Variants in MPV17 observed in about 807,000 individuals in gnomAD.
MPV17 encodes MPV17, mitochondrial inner membrane protein.
In MPV17, 31 loss-of-function variants were observed where a neutral mutation model predicts 28.6. That is an observed-to-expected ratio of 1.08 (90% CI 0.81 to 1.46). The LOEUF is 1.46. MPV17 is among the 40% of genes most tolerant of loss of function. The pLI is 0.00. For synonymous variants in MPV17, 87 were observed against 85.3 expected, an observed-to-expected ratio of 1.02 and a Z score of -0.11; for missense variants, 198 against 216.2, an observed-to-expected ratio of 0.92 and a Z score of 0.53.
intron 6 of MPV17, 96 bp from the exon 7 acceptor site, chr2:27,312,047 A>G: frequency 6.6e-7 from 1 of 1,511,918 alleles, no homozygotes; most frequent in East Asian, 2.3e-5. Flanking sequence ...GCACACAAGA[A>G]AAAGGTGAAC....
At chr2:27,315,744 T>G in intron 2 of MPV17, 1 of 260,548 alleles carries the variant, frequency 3.8e-6, no homozygotes, top group Non-Finnish European at 6.4e-6. Context: ...GTATTTTTAG[T>G]AGAGATGGGG....
chr2:27,319,109 AGCAAC>A (rs1313471067), intron 2 of MPV17, among the ~76,000 whole-genome samples: 3 of 152,104 alleles, frequency 2.0e-5, no homozygotes, highest in African/African-American at 7.2e-5. Flanking sequence ...CAAGGGACTG[AGCAAC>A]AGCTGCCCTT....
chr2:27,317,098 A>G lies in MPV17; in HGVS notation c.71-3989T>C. 1 of 1,548,932 alleles carries G rather than the reference A, an allele frequency of 6.5e-7. No homozygotes were observed. Among genetic ancestry groups the G allele is most frequent in the Non-Finnish European group, 8.7e-7 (1 of 1,146,680 alleles). On this transcript the variant is annotated intron_variant, in intron 2 of 7. Coordinates refer to ENST00000380044, the MANE Select transcript of MPV17 (RefSeq NM_002437.5). The surrounding 1 kb of genome is among the most constrained non-coding windows in gnomAD (Gnocchi z 4.0). Reference sequence around the variant, plus strand: ...CTTACTTTTGTGGCTTTTGAGTTTCATGCGCAGAAGGCAGAGGGGCAAGAA... The same window carrying G: ...CTTACTTTTGTGGCTTTTGAGTTTCGTGCGCAGAAGGCAGAGGGGCAAGAA...
chr2:27,309,836 A>C lies in MPV17; in HGVS notation c.*76T>G. On this transcript the variant is annotated 3_prime_UTR_variant, in exon 8 of 8. Coordinates refer to ENST00000380044, the MANE Select transcript of MPV17 (RefSeq NM_002437.5). ...CAACCCCGTGGAAACTGGTATGCCC[A>C]CTTTGAGGAGGTTGTCTGACCGTTC... 1 of 1,281,824 alleles carries C rather than the reference A, an allele frequency of 7.8e-7. No individual in the cohort carries two copies. Among genetic ancestry groups the C allele is most frequent in the East Asian group, 2.3e-5 (1 of 43,292 alleles). 79.4% of individuals were successfully genotyped at this position (1,281,824 alleles called of 1,614,324 possible).
chr2:27,309,810 C>G lies in MPV17; in HGVS notation c.*102G>C. 1 of 954,146 alleles carries G rather than the reference C, an allele frequency of 1.0e-6. No individual in the cohort carries two copies. The highest frequency in any genetic ancestry group is 1.4e-5 in the South Asian group (1 of 74,024). The allele number at this position is 954,146 out of a possible 1,614,324, so 59.1% of individuals were successfully genotyped here. On this transcript the variant is annotated 3_prime_UTR_variant, in exon 8 of 8. Coordinates refer to ENST00000380044, the MANE Select transcript of MPV17 (RefSeq NM_002437.5). ...GTCCTCTTAAGCTCTGACCGGCAAC[C>G]CAACCCCGTGGAAACTGGTATGCCC...
chr2:27,318,114 G>A (rs1679723649), intron 2 of MPV17, among the ~76,000 whole-genome samples: 1 of 151,100 alleles, frequency 6.6e-6, no homozygotes, highest in East Asian at 1.9e-4. Flanking sequence ...TGTCACCCAG[G>A]CTGGAGTGCA....
At chr2:27,314,431 T>TAAG (rs985969561) in intron 2 of MPV17, among the ~76,000 whole-genome samples, 13 of 152,180 alleles carry the variant, frequency 8.5e-5, no homozygotes, top group African/African-American at 2.9e-4. Flanking sequence ...GGCCACCTCT[T>TAAG]AGCACAATCA....
Position 27,319,007 on chromosome 2 carries a change from C to T in MPV17, c.70+3441G>A, listed in dbSNP as rs1272721017. ...CTCAAACTTCCGACCTCAGGTGATC[C>T]GCCCACCTCAGCCTCCCAAAGTGCT... On this transcript the variant is annotated intron_variant, in intron 2 of 7. Coordinates refer to ENST00000380044, the MANE Select transcript of MPV17 (RefSeq NM_002437.5). Among the ~76,000 whole-genome samples, 4 of 152,014 alleles carry T rather than the reference C, an allele frequency of 2.6e-5. No individual in the cohort carries two copies. The East Asian group carries it at 7.8e-4, about 30-fold the overall frequency.
At chr2:27,315,007 G>C (rs1024701308) in intron 2 of MPV17, among the ~76,000 whole-genome samples, 2 of 152,148 alleles carry the variant, frequency 1.3e-5, no homozygotes, top group African/African-American at 4.8e-5. Context: ...AGCAGCTCTG[G>C]GCACCCCCAG....
intron 7 of MPV17, among the ~76,000 whole-genome samples, chr2:27,310,602 T>C (rs559074375): frequency 2.6e-5 from 4 of 152,388 alleles, no homozygotes; most frequent in African/African-American, 7.2e-5. Flanking sequence ...TTGTACCAGC[T>C]GAGATTTCAT....
In MPV17 at chr2:27,312,660, C is replaced by T; in HGVS notation, c.279+20G>A. 3 of 1,613,916 alleles carry T rather than the reference C, an allele frequency of 1.9e-6. No individual in the cohort carries two copies. The highest frequency in any genetic ancestry group is 2.5e-6 in the Non-Finnish European group (3 of 1,179,730). On this transcript the variant is annotated intron_variant, in intron 4 of 7. Coordinates refer to ENST00000380044, the MANE Select transcript of MPV17 (RefSeq NM_002437.5). ...TACCCCCAACACAGCTCACCCTCCC[C>T]ACTCTGTTCTCCTGCTCACCTGATC...
At chr2:27,315,870 C>T in intron 2 of MPV17, 2 of 1,374,524 alleles carry the variant, frequency 1.5e-6, no homozygotes, top group Non-Finnish European at 1.9e-6. Flanking sequence ...CCTACACCCC[C>T]ATTTAATGAT....
chr2:27,313,271 C>G, intron 2 of MPV17, 162 bp from the exon 3 acceptor site: 1 of 1,480,322 alleles, frequency 6.8e-7, no homozygotes, highest in Non-Finnish European at 9.2e-7. Context: ...CCTCAAAGCC[C>G]TCACCTCCCC....
chr2:27,315,199 C>T (rs1679605159), intron 2 of MPV17, among the ~76,000 whole-genome samples: 1 of 152,244 alleles, frequency 6.6e-6, no homozygotes, highest in Non-Finnish European at 1.5e-5. Context: ...GTCAAATGTA[C>T]TGTCCCAAAC....
At chr2:27,319,269 T>G (rs1232527632) in intron 2 of MPV17, among the ~76,000 whole-genome samples, 2 of 151,794 alleles carry the variant, frequency 1.3e-5, no homozygotes, top group African/African-American at 2.4e-5. Context: ...GTGATCCATG[T>G]TCAGATTATG....
At chr2:27,311,409 TC>T (rs1421301042) in intron 7 of MPV17, 24 of 640,114 alleles carry the variant, frequency 3.7e-5, no homozygotes, top group Non-Finnish European at 5.6e-5. Context: ...TTGGCCCTGT[TC>T]CCTCTGAAGC....
At position 27,312,589 on chromosome 2, in the gene MPV17, C is replaced by T. The variant is rs267607257; in HGVS notation, c.280G>A (p.Gly94Arg). 2.5e-6 allele frequency: 4 copies of T among 1,613,868 alleles called. No individual in the cohort carries two copies. Among genetic ancestry groups the T allele is most frequent in the Non-Finnish European group, 3.4e-6 (4 of 1,179,882 alleles). Residue 94 changes from glycine to arginine, a missense_variant and splice_region_variant, in exon 5 of 8, where the codon GGG becomes AGG. Physicochemically the swap from Gly to Arg is moderately radical, Grantham distance 125. Transcript: ENST00000380044. Reference sequence around the variant, plus strand: ...CCTAGAAAACACGGGGCAAAGCCCCCCTAGGGAAGAGAAATTAAAGTCCTA... The same window carrying T: ...CCTAGAAAACACGGGGCAAAGCCCCTCTAGGGAAGAGAAATTAAAGTCCTA... ...DALKKMLLDQGGFAPCFLGCF... is the reference protein window; with the variant it reads ...DALKKMLLDQRGFAPCFLGCF...
At position 27,310,051 on chromosome 2, in the gene MPV17, A is replaced by G. The variant is rs1679371304; in HGVS notation, c.462-70T>C. 4 of 1,173,770 alleles carry G rather than the reference A, an allele frequency of 3.4e-6. No homozygotes were observed. The South Asian group carries it at 5.0e-5, about 15-fold the overall frequency. 72.7% of individuals were successfully genotyped at this position (1,173,770 alleles called of 1,614,324 possible). A position where few individuals can be genotyped will look rare whatever the true frequency, so the allele number is the denominator to read the frequency against. On this transcript the variant is annotated intron_variant, in intron 7 of 7. Coordinates refer to ENST00000380044, the MANE Select transcript of MPV17 (RefSeq NM_002437.5). ...GTGAGCAAGGGCTGGAGATGGGAGCATGAAATGGCAAAGGAGGGATCATGA... is the reference window on the plus strand; with the variant it reads ...GTGAGCAAGGGCTGGAGATGGGAGCGTGAAATGGCAAAGGAGGGATCATGA...
At chr2:27,312,108 G>A in intron 6 of MPV17, 106 bp downstream of exon 6, 2 of 1,454,828 alleles carry the variant, frequency 1.4e-6, no homozygotes, top group Non-Finnish European at 9.7e-7. Context: ...GAATGAAAGA[G>A]TAATCCCAAC....
Sources: allele counts gnomAD v4.1 joint callset (sites outside exome capture counted in the v4.1 genomes callset), GRCh38; gene constraint gnomAD v4.1.1; non-coding constraint Gnocchi (gnomAD v3.1); transcripts MANE v1.5; gene names NCBI Gene and HGNC (gene_info 2026-07-23, HGNC 2026-07-21).